Variants in HERC2 observed in about 807,000 individuals in gnomAD.
HERC2 encodes the protein HECT and RLD domain containing E3 ubiquitin protein ligase 2, also known as E3 ubiquitin-protein ligase HERC2.
In HERC2, 102 loss-of-function variants were observed where a neutral mutation model predicts 537.7. The observed-to-expected ratio is 0.19, with a 90% confidence interval of 0.16 to 0.22. The LOEUF is 0.22. Ranked by LOEUF, HERC2 falls within the 10% of genes least tolerant of loss-of-function variation. HERC2 has a pLI of 1.00. For missense variants in HERC2, 4,236 were observed against 6,198.2 expected, an observed-to-expected ratio of 0.68 and a Z score of 10.63; for synonymous variants, 2,224 against 2,466.2, an observed-to-expected ratio of 0.90 and a Z score of 2.91.
chr15:28,258,975 G>A (rs2075343297), intron 16 of HERC2, among the ~76,000 whole-genome samples: 1 of 152,300 alleles, frequency 6.6e-6, no homozygotes, highest in East Asian at 1.9e-4. Flanking sequence ...ATCAGACAAC[G>A]TAGATGAAGT....
Position 28,111,367 on chromosome 15 carries a change from A to G in HERC2, c.*396T>C, listed in dbSNP as rs547832290. 1.0e-5 allele frequency: 2 copies of G among 199,874 alleles called. No homozygotes were observed. Among genetic ancestry groups the G allele is most frequent in the Non-Finnish European group, 2.0e-5 (2 of 99,826 alleles). 12.4% of individuals were successfully genotyped at this position (199,874 alleles called of 1,614,324 possible). On this transcript the variant is annotated 3_prime_UTR_variant, in exon 93 of 93. Transcript: ENST00000261609. The stretch of plus-strand genomic sequence containing the variant: ...ACGATTTGTTACACAGTTATTTCCA[A>G]TATACAATCAAGACGACTCACGACA...
chr15:28,167,799 G>T lies in HERC2; in HGVS notation c.10442C>A (p.Pro3481His). The T allele has an allele frequency of 6.2e-7, 1 of 1,614,054 alleles. No individual in the cohort carries two copies. The highest frequency in any genetic ancestry group is 8.5e-7 in the Non-Finnish European group (1 of 1,180,002). ...EIVSSEDAVTPSAVTPSAPSA... is the reference protein window; with the variant it reads ...EIVSSEDAVTHSAVTPSAPSA... ...GGGGGCCGACGGAGTCACTGCAGAG[G>T]GGGTCACTGCGTCCTCAGAGGAAAC... is the stretch of plus-strand genomic sequence containing the variant. Residue 3481 changes from proline to histidine, a missense_variant, in exon 68 of 93, where the codon CCC (proline) becomes CAC (histidine). Coordinates refer to ENST00000261609, the MANE Select transcript of HERC2 (RefSeq NM_004667.6).
chr15:28,231,563 A>G (rs1444661118), intron 30 of HERC2, among the ~76,000 whole-genome samples: 9 of 152,196 alleles, frequency 5.9e-5, no homozygotes, highest in Admixed American at 5.2e-4. Context: ...CACACATGAT[A>G]TGACACTGTT....
intron 2 of HERC2, among the ~76,000 whole-genome samples, chr15:28,303,364 G>A (rs1028510912): frequency 6.6e-6 from 1 of 151,892 alleles, no homozygotes. Context: ...ATTGGTCTAG[G>A]TGTCTGTTTT....
chr15:28,248,590 T>C lies in HERC2; in HGVS notation c.3197A>G (p.Tyr1066Cys). 3 of 1,613,900 alleles carry C rather than the reference T, an allele frequency of 1.9e-6. No homozygotes were observed. Among genetic ancestry groups the C allele is most frequent in the Non-Finnish European group, 2.5e-6 (3 of 1,179,786 alleles). ...RFQRLLISKL[Y>C]PGESIGQTSD... is the part of the protein sequence containing the mutation. ...GGTCTGACCAATACTTTCTCCTGGA[T>C]AAAGTTTACTAATAAGCAAACGTTG... The change falls in exon 21 of 93, where the codon TAT becomes TGT. Residue 1066 changes from tyrosine (Y) to cysteine (C), a missense_variant. Transcript: ENST00000261609.
intron 3 of HERC2, among the ~76,000 whole-genome samples, chr15:28,297,771 T>C (rs1193477945): frequency 6.6e-6 from 1 of 152,016 alleles, no homozygotes. Context: ...GTTACATGGG[T>C]TACATTTGTC....
Position 28,122,389 on chromosome 15 carries a change from G to A in HERC2, c.13189-960C>T, listed in dbSNP as rs1253003470. Among the ~76,000 whole-genome samples, 1 of 152,216 alleles carries A rather than the reference G, an allele frequency of 6.6e-6. No individual in the cohort carries two copies. The highest frequency in any genetic ancestry group is 1.5e-5 in the Non-Finnish European group (1 of 68,026). ...TTAGGGGTGGGCTGTGGGAGCACAA[G>A]GGTCCCTCAGTGGAGGCTGAGCCCT... On this transcript the variant is annotated intron_variant, in intron 85 of 92. Transcript: ENST00000261609. The surrounding 1 kb of genome is among the most constrained non-coding windows in gnomAD (Gnocchi z 4.1).
rs947929292 is a variant in HERC2, at chr15:28,111,559, G to A, written c.*204C>T. 43 of 590,720 alleles carry A rather than the reference G, an allele frequency of 7.3e-5. No homozygotes were observed. Among genetic ancestry groups the A allele is most frequent in the Middle Eastern group, 9.0e-4 (2 of 2,230 alleles). 36.6% of individuals were successfully genotyped at this position (590,720 alleles called of 1,614,324 possible). ...ACGGGTGAGAAGACCCTTGGAAGTCGAGCGTCCACAGTGTTCCACGCGCAC... is the reference window on the plus strand; with the variant it reads ...ACGGGTGAGAAGACCCTTGGAAGTCAAGCGTCCACAGTGTTCCACGCGCAC... On this transcript the variant is annotated 3_prime_UTR_variant, in exon 93 of 93. Transcript: ENST00000261609.
intron 4 of HERC2, among the ~76,000 whole-genome samples, chr15:28,281,357 C>T (rs1299563839): frequency 6.6e-6 from 1 of 152,212 alleles, no homozygotes. Context: ...TCCCCTCTAA[C>T]AGCACAGCTC....
At chr15:28,247,549 C>G (rs972598579) in intron 21 of HERC2, among the ~76,000 whole-genome samples, 1 of 151,524 alleles carries the variant, frequency 6.6e-6, no homozygotes, top group African/African-American at 2.4e-5. Context: ...CTGCCTCAGC[C>G]TCCGGAGTAG....
chr15:28,249,410 G>A (rs1284471104), intron 20 of HERC2, among the ~76,000 whole-genome samples: 2 of 152,214 alleles, frequency 1.3e-5, no homozygotes, highest in Non-Finnish European at 2.9e-5. Context: ...TGAGCCATGA[G>A]CCATTGGAAG....
chr15:28,300,210 G>A (rs1047890581), intron 2 of HERC2, among the ~76,000 whole-genome samples: 1 of 151,658 alleles, frequency 6.6e-6, no homozygotes, highest in African/African-American at 2.4e-5. Flanking sequence ...ACCAGAAAAA[G>A]CAACAACATT....
Position 28,262,898 on chromosome 15 carries a change from A to G in HERC2, c.2122+20T>C. The stretch of plus-strand genomic sequence containing the variant: ...AAGAAACTGTCCTGAAGGGTTTTAA[A>G]AGTTTACATTTGCACTCACCTTGCA... On this transcript the variant is annotated intron_variant, in intron 15 of 92. Transcript: ENST00000261609. 3.7e-6 allele frequency: 6 copies of G among 1,607,124 alleles called. No individual in the cohort carries two copies. Among genetic ancestry groups the G allele is most frequent in the Non-Finnish European group, 5.1e-6 (6 of 1,175,878 alleles).
chr15:28,295,131 A>G (rs1367504193), intron 3 of HERC2, among the ~76,000 whole-genome samples: 1 of 152,178 alleles, frequency 6.6e-6, no homozygotes, highest in East Asian at 1.9e-4. Flanking sequence ...GCTAACAAAG[A>G]CACAGACCAA....
At chr15:28,233,884 C>T (rs1902147680) in intron 27 of HERC2, 88 bp from the exon 28 acceptor site, 1 of 1,203,160 alleles carries the variant, frequency 8.3e-7, no homozygotes, top group Admixed American at 1.8e-5. Flanking sequence ...GACGCACTTG[C>T]AATCACTAAT....
intron 83 of HERC2, among the ~76,000 whole-genome samples, chr15:28,126,137 A>T (rs997353481): frequency 6.1e-5 from 9 of 146,920 alleles, no homozygotes; most frequent in Admixed American, 4.0e-4. Context: ...AAATAAGAAT[A>T]AAAAAAAATA....
At chr15:28,293,100 C>G (rs1277307223) in intron 3 of HERC2, 78 bp from the exon 4 acceptor site, 9 of 1,314,992 alleles carry the variant, frequency 6.8e-6, no homozygotes, top group Middle Eastern at 2.7e-4. Context: ...TGTCCCTCCC[C>G]GAAAAGTTAC....
At chr15:28,294,982 C>T (rs1596414174) in intron 3 of HERC2, among the ~76,000 whole-genome samples, 1 of 151,896 alleles carries the variant, frequency 6.6e-6, no homozygotes. Flanking sequence ...AACAGAAACT[C>T]ACAGAGGATA....
chr15:28,304,413 G>A (rs1171200459), intron 2 of HERC2, among the ~76,000 whole-genome samples: 1 of 150,464 alleles, frequency 6.6e-6, no homozygotes, highest in Non-Finnish European at 1.5e-5. Flanking sequence ...TGTAGCCCAG[G>A]CTGGAATATA....
Sources: allele counts gnomAD v4.1 joint callset (sites outside exome capture counted in the v4.1 genomes callset), GRCh38; gene constraint gnomAD v4.1.1; non-coding constraint Gnocchi (gnomAD v3.1); transcripts MANE v1.5; gene names NCBI Gene and HGNC (gene_info 2026-07-23, HGNC 2026-07-21).